Variants in KCNH5 observed in about 807,000 individuals in gnomAD.
The protein encoded by KCNH5 is potassium voltage-gated channel subfamily H member 5.
KCNH5 carries 46 observed loss-of-function variants against 96.1 expected under a neutral mutation model. The ratio of observed to expected loss-of-function variants is 0.48; its 90% CI spans 0.38 to 0.61. The LOEUF (loss-of-function observed/expected upper bound fraction) is 0.61, where lower values mean the gene tolerates loss of function less well. Ranked by LOEUF, KCNH5 falls within the 20% of genes least tolerant of loss-of-function variation. KCNH5 has a pLI of 0.00. For synonymous variants in KCNH5, 439 were observed against 449.8 expected (o/e 0.98, Z 0.30); for missense variants, 907 against 1,225.8 (o/e 0.74, Z 3.88).
intron 10 of KCNH5, among the ~76,000 whole-genome samples, chr14:62,730,941 A>T (rs1235244302): frequency 6.6e-6 from 1 of 152,188 alleles, no homozygotes; most frequent in Non-Finnish European, 1.5e-5. Flanking sequence ...TTTCCACTGA[A>T]TTTATTTTAT....
At chr14:62,798,928 G>C (rs574936027) in intron 9 of KCNH5, among the ~76,000 whole-genome samples, 10 of 152,298 alleles carry the variant, frequency 6.6e-5, no homozygotes, top group Admixed American at 5.9e-4. Flanking sequence ...AAATGTATCA[G>C]TGTAAGAGAT....
chr14:62,874,350 C>T (rs1030958680), intron 7 of KCNH5, among the ~76,000 whole-genome samples: 11 of 152,090 alleles, frequency 7.2e-5, no homozygotes, highest in African/African-American at 1.7e-4. Context: ...ATGCAGCAAA[C>T]GAACATATGT....
At chr14:62,742,022 A>T (rs980220896) in intron 10 of KCNH5, among the ~76,000 whole-genome samples, 1 of 152,118 alleles carries the variant, frequency 6.6e-6, no homozygotes, top group Admixed American at 6.6e-5. Flanking sequence ...TGTGAATCTC[A>T]GGTTTTTGGC....
At chr14:62,833,145 T>C (rs1887392442) in intron 8 of KCNH5, among the ~76,000 whole-genome samples, 1 of 151,936 alleles carries the variant, frequency 6.6e-6, no homozygotes, top group Non-Finnish European at 1.5e-5. Flanking sequence ...TATTCTCTGT[T>C]TTTTTTGGTC....
At chr14:62,814,783 A>AAAAAG in intron 8 of KCNH5, among the ~76,000 whole-genome samples, 2 of 82,930 alleles carry the variant, frequency 2.4e-5, no homozygotes, top group African/African-American at 1.0e-4. Context: ...ACTCCATCTC[A>AAAAAG]AAAAAAAAAA....
At chr14:62,770,614 C>G (rs1885964273) in intron 10 of KCNH5, among the ~76,000 whole-genome samples, 1 of 152,130 alleles carries the variant, frequency 6.6e-6, no homozygotes, top group Admixed American at 6.5e-5. Flanking sequence ...TTGATCATGC[C>G]TGGGGACTTT....
At chr14:62,790,560 T>C in intron 9 of KCNH5, among the ~76,000 whole-genome samples, 1 of 151,664 alleles carries the variant, frequency 6.6e-6, no homozygotes, top group East Asian at 1.9e-4. Flanking sequence ...TTTATTTGTG[T>C]CTTCTTCAAT....
intron 7 of KCNH5, among the ~76,000 whole-genome samples, chr14:62,897,791 T>C (rs1888844307): frequency 6.6e-6 from 1 of 152,214 alleles, no homozygotes; most frequent in African/African-American, 2.4e-5. Flanking sequence ...GGTATTTTTG[T>C]GTTCCCTCTT....
intron 10 of KCNH5, among the ~76,000 whole-genome samples, chr14:62,751,704 G>A (rs1885503692): frequency 6.6e-6 from 1 of 152,258 alleles, no homozygotes; most frequent in Non-Finnish European, 1.5e-5. Context: ...TGTGGGGGAT[G>A]AGCTTAAGGA....
rs575598710 is a variant in KCNH5, at chr14:62,817,764, C to T, written c.1570-15183G>A. On this transcript the variant is annotated intron_variant, in intron 8 of 10. Transcript: ENST00000322893. The stretch of plus-strand genomic sequence containing the variant: ...ATATATTCTAGGAATATATTATATT[C>T]CTATATATTCTAGGAATATATATAT... Among the ~76,000 whole-genome samples, 635 of 138,958 alleles carry T rather than the reference C, an allele frequency of 4.6e-3. 3 individuals carry two copies. Among genetic ancestry groups the T allele is most frequent in the Non-Finnish European group, 7.8e-3 (494 of 63,338 alleles). 91.2% of individuals were successfully genotyped at this position (138,958 alleles called of 152,430 possible).
chr14:62,872,932 C>T (rs560732468), intron 7 of KCNH5, among the ~76,000 whole-genome samples: 60 of 152,078 alleles, frequency 3.9e-4, no homozygotes, highest in Non-Finnish European at 4.6e-4. Context: ...TGGTGGATCA[C>T]GAGGTCAGGA....
At chr14:62,781,402 GACAGCGTTTTGAGATCA>G (rs370178760) in intron 9 of KCNH5, among the ~76,000 whole-genome samples, 1 of 152,338 alleles carries the variant, frequency 6.6e-6, no homozygotes, top group African/African-American at 2.4e-5. Context: ...CTTATCAGGA[GACAGCGTTTTGAGATCA>G]ACCGGTCTGA....
intron 6 of KCNH5, among the ~76,000 whole-genome samples, chr14:62,960,868 A>C (rs2749406): frequency 0.4 from 61,494 of 151,916 alleles, 12,923 homozygotes; most frequent in African/African-American, 0.48. Context: ...TTGTGCATAA[A>C]ACCTGTATTA....
At chr14:62,934,136 CTTT>C (rs71451286) in intron 7 of KCNH5, among the ~76,000 whole-genome samples, 14 of 141,468 alleles carry the variant, frequency 9.9e-5, no homozygotes, top group East Asian at 4.4e-4. Context: ...TTCTTTCTTT[CTTT>C]TTTTTTTTTT....
At chr14:62,919,208 C>T (rs1318520445) in intron 7 of KCNH5, among the ~76,000 whole-genome samples, 1 of 152,022 alleles carries the variant, frequency 6.6e-6, no homozygotes, top group African/African-American at 2.4e-5. Context: ...GGTAATGAAG[C>T]TTCCAATTAT....
chr14:62,884,604 C>T (rs892570226), intron 7 of KCNH5, among the ~76,000 whole-genome samples: 1 of 151,862 alleles, frequency 6.6e-6, no homozygotes, highest in Middle Eastern at 3.4e-3. Flanking sequence ...CCAGCCTGGG[C>T]GAGAGAATAA....
intron 10 of KCNH5, among the ~76,000 whole-genome samples, chr14:62,737,809 A>C (rs1885190627): frequency 6.6e-6 from 1 of 152,148 alleles, no homozygotes; most frequent in South Asian, 2.1e-4. Context: ...ATTCATTATT[A>C]ACAGCTATTA....
At chr14:62,933,455 A>ATGTG (rs533111893) in intron 7 of KCNH5, among the ~76,000 whole-genome samples, 1 of 120,128 alleles carries the variant, frequency 8.3e-6, no homozygotes, top group Non-Finnish European at 1.9e-5. Context: ...CATATATATT[A>ATGTG]TGTGTGTGTG....
At chr14:62,909,131 C>T (rs1036134390) in intron 7 of KCNH5, among the ~76,000 whole-genome samples, 16 of 139,468 alleles carry the variant, frequency 1.1e-4, no homozygotes, top group Non-Finnish European at 2.4e-4. Context: ...CTGCAAGCTC[C>T]GCCTCCCGGG....
Sources: allele counts gnomAD v4.1 joint callset (sites outside exome capture counted in the v4.1 genomes callset), GRCh38; gene constraint gnomAD v4.1.1; transcripts MANE v1.5; gene names NCBI Gene and HGNC (gene_info 2026-07-23, HGNC 2026-07-21).